GPHN: variants seen among roughly 807,000 people sequenced by gnomAD.
GPHN encodes the protein gephyrin.
A neutral mutation model predicts 95.5 loss-of-function variants in GPHN; 17 were observed. The observed-to-expected ratio is 0.18, with a 90% CI of 0.12 to 0.27. The LOEUF is 0.27. GPHN is among the 10% of genes least tolerant of loss of function. The pLI is 1.00. For missense variants in GPHN, 660 were observed against 978.1 expected, an observed-to-expected ratio of 0.67 and a Z score of 4.34; for synonymous variants, 320 against 322.5, an observed-to-expected ratio of 0.99 and a Z score of 0.08.
chr14:67,185,607 T>G (rs1264466096), downstream of GPHN, among the ~76,000 whole-genome samples: 5 of 152,214 alleles, frequency 3.3e-5, no homozygotes, highest in African/African-American at 1.2e-4. Context: ...AAGCAGTTCC[T>G]TTTAACCAGA....
intron 6 of GPHN, among the ~76,000 whole-genome samples, chr14:66,916,854 T>G (rs2065936128): frequency 6.6e-6 from 1 of 152,208 alleles, no homozygotes; most frequent in Non-Finnish European, 1.5e-5. Context: ...AAGGCTTTTT[T>G]TATTGTATAG....
chr14:67,602,577 A>G, the GPHN span, among the ~76,000 whole-genome samples: 1 of 152,240 alleles, frequency 6.6e-6, no homozygotes, highest in African/African-American at 2.4e-5. Context: ...GTTTTGGGGA[A>G]GCCTGTAGTC....
At chr14:66,775,640 A>G (rs1595866874) in intron 2 of GPHN, among the ~76,000 whole-genome samples, 1 of 152,178 alleles carries the variant, frequency 6.6e-6, no homozygotes, top group East Asian at 1.9e-4. Flanking sequence ...CAGTTGCTTA[A>G]GAAAAATTAC....
the GPHN span, among the ~76,000 whole-genome samples, chr14:67,518,816 C>A: frequency 0.35 from 52,956 of 151,966 alleles, 10,130 homozygotes; most frequent in East Asian, 0.43. Flanking sequence ...AGAGATGTGG[C>A]TCAAGAGGGT....
chr14:67,327,775 T>G, the GPHN span, among the ~76,000 whole-genome samples: 1 of 152,210 alleles, frequency 6.6e-6, no homozygotes, highest in Non-Finnish European at 1.5e-5. Context: ...TTTCTCAGAA[T>G]GATGGTTTCC....
At chr14:66,577,410 A>G (rs2060952156) in intron 1 of GPHN, among the ~76,000 whole-genome samples, 1 of 152,182 alleles carries the variant, frequency 6.6e-6, no homozygotes, top group Non-Finnish European at 1.5e-5. Context: ...TTTCTACCAC[A>G]CACCAGTGCT....
intron 2 of GPHN, among the ~76,000 whole-genome samples, chr14:66,748,789 T>C (rs1388792074): frequency 1.3e-5 from 2 of 152,024 alleles, no homozygotes; most frequent in East Asian, 3.8e-4. Context: ...TCCAATATTT[T>C]AAATAATTTT....
chr14:67,570,253 G>A, the GPHN span: 12 of 789,800 alleles, frequency 1.5e-5, no homozygotes, highest in Non-Finnish European at 1.8e-5. Flanking sequence ...GCCTATGCCC[G>A]CTTTACAGCT....
At chr14:67,152,678 G>T (rs1450657765) in intron 18 of GPHN, among the ~76,000 whole-genome samples, 2 of 152,160 alleles carry the variant, frequency 1.3e-5, no homozygotes, top group East Asian at 3.9e-4. Context: ...ATAAAATTAT[G>T]TTCACTGGCG....
chr14:67,254,030 C>CA, the GPHN span, among the ~76,000 whole-genome samples: 2 of 139,702 alleles, frequency 1.4e-5, no homozygotes, highest in South Asian at 4.8e-4. Flanking sequence ...ATTCATCCCC[C>CA]CCCCCTTACA....
In GPHN at chr14:66,904,643, A is replaced by G. The variant is rs1289691517; in HGVS notation, c.390-11360A>G. On this transcript the variant is annotated intron_variant, in intron 5 of 22. Coordinates refer to ENST00000478722, the MANE Select transcript of GPHN (RefSeq NM_020806.5). ...TGCCCCCTTTAGACAGGACACCCCA[A>G]CTGCTGTTGGGAATTGGGCGATGCT... 2.6e-5 allele frequency among the ~76,000 whole-genome samples: 4 copies of G among 152,066 alleles called. No homozygotes were observed. The East Asian group carries it at 7.7e-4, about 29-fold the overall frequency.
the GPHN span, among the ~76,000 whole-genome samples, chr14:67,600,518 G>A: frequency 6.6e-6 from 1 of 152,210 alleles, no homozygotes; most frequent in East Asian, 1.9e-4. Context: ...AGGATCGCTT[G>A]AGCCTGGGAG....
At chr14:66,749,290 A>C (rs2058280382) in intron 2 of GPHN, among the ~76,000 whole-genome samples, 1 of 151,950 alleles carries the variant, frequency 6.6e-6, no homozygotes, top group Non-Finnish European at 1.5e-5. Flanking sequence ...ATTATGAATA[A>C]AGTCTGTATA....
chr14:66,884,167 CAAAG>C, intron 5 of GPHN, among the ~76,000 whole-genome samples: 1 of 152,072 alleles, frequency 6.6e-6, no homozygotes, highest in African/African-American at 2.4e-5. Flanking sequence ...TTCCATTAGC[CAAAG>C]AGATAGGTAG....
chr14:67,576,254 C>T, the GPHN span: 4 of 621,714 alleles, frequency 6.4e-6, no homozygotes, highest in East Asian at 2.8e-5. This position sits in a 1 kb window ranked among gnomAD's most constrained non-coding sequence, Gnocchi z 4.0. Flanking sequence ...GATCCTCAGT[C>T]TTTCCAGGTA....
intron 1 of GPHN, among the ~76,000 whole-genome samples, chr14:66,522,027 T>A (rs1225337923): frequency 6.6e-6 from 1 of 152,150 alleles, no homozygotes; most frequent in African/African-American, 2.4e-5. Flanking sequence ...ATGAAAATGC[T>A]CCTCTGGCAG....
the GPHN span, among the ~76,000 whole-genome samples, chr14:67,475,089 A>G: frequency 6.6e-6 from 1 of 151,758 alleles, no homozygotes; most frequent in African/African-American, 2.4e-5. Context: ...CTAATTTTTG[A>G]ATTTTAGTAG....
chr14:66,900,514 A>G (rs1347908512), intron 5 of GPHN, among the ~76,000 whole-genome samples: 2 of 150,912 alleles, frequency 1.3e-5, no homozygotes, highest in Admixed American at 1.3e-4. Flanking sequence ...ATATGTGCCC[A>G]TCAATCAACT....
At chr14:66,672,347 T>C (rs1388763042) in intron 1 of GPHN, among the ~76,000 whole-genome samples, 1 of 152,190 alleles carries the variant, frequency 6.6e-6, no homozygotes, top group Admixed American at 6.5e-5. Context: ...TTTTGGTGAA[T>C]GTTCCATGTT....
Sources: allele counts gnomAD v4.1 joint callset (sites outside exome capture counted in the v4.1 genomes callset), GRCh38; gene constraint gnomAD v4.1.1; non-coding constraint Gnocchi (gnomAD v3.1); transcripts MANE v1.5; gene names NCBI Gene and HGNC (gene_info 2026-07-23, HGNC 2026-07-21).